Variants in AKT1 observed in about 807,000 individuals in gnomAD.
AKT1 encodes AKT serine/threonine kinase 1.
In AKT1, 21 loss-of-function variants were observed where a neutral mutation model predicts 63.1. The observed-to-expected ratio is 0.33, with a 90% confidence interval of 0.24 to 0.48. The LOEUF is 0.48. AKT1 is among the 20% of genes least tolerant of loss of function. The pLI, the probability that AKT1 is intolerant of heterozygous loss-of-function variation, is 0.99. For synonymous variants in AKT1, 257 were observed against 253.1 expected (o/e 1.02, Z -0.15); for missense variants, 382 against 666.0 (o/e 0.57, Z 4.69).
intron 3 of AKT1, among the ~76,000 whole-genome samples, chr14:104,783,901 T>C (rs1282740440): frequency 1.3e-5 from 2 of 152,182 alleles, no homozygotes; most frequent in Non-Finnish European, 2.9e-5. Flanking sequence ...TAGGTGCCCC[T>C]TCAGAAATGT....
chr14:104,770,012 C>G lies in AKT1; in HGVS notation c.*329G>C, dbSNP rs137981458. 2.2e-6 allele frequency: 1 copy of G among 463,164 alleles called. No individual in the cohort carries two copies. The highest frequency in any genetic ancestry group is 2.0e-5 in the African/African-American group (1 of 51,098). The allele number at this position is 463,164 out of a possible 1,614,324, so 28.7% of individuals were successfully genotyped here. A position where few individuals can be genotyped will look rare whatever the true frequency, so the allele number is the denominator to read the frequency against. Reference sequence around the variant, plus strand: ...AGAGTGAGGGGACACATGGGCAGGACCTGCCCGGCCCCCCAATGCCACATT... The same window carrying G: ...AGAGTGAGGGGACACATGGGCAGGAGCTGCCCGGCCCCCCAATGCCACATT... On this transcript the variant is annotated 3_prime_UTR_variant, in exon 15 of 15. Coordinates refer to ENST00000649815, the MANE Select transcript of AKT1 (RefSeq NM_001382430.1).
chr14:104,781,755 G>A (rs1893060458), intron 3 of AKT1, among the ~76,000 whole-genome samples: 1 of 152,200 alleles, frequency 6.6e-6, no homozygotes, highest in African/African-American at 2.4e-5. Flanking sequence ...CTGAGTGTGG[G>A]AAGAGGCTGT....
chr14:104,776,020 A>C (rs1892683869), intron 5 of AKT1: 7 of 505,806 alleles, frequency 1.4e-5, no homozygotes, highest in South Asian at 2.5e-5. Flanking sequence ...CCCCAGCAGG[A>C]CTCTGTCCCC....
At chr14:104,789,014 G>A (rs1893486194) in intron 3 of AKT1, among the ~76,000 whole-genome samples, 1 of 152,200 alleles carries the variant, frequency 6.6e-6, no homozygotes, top group Non-Finnish European at 1.5e-5. Context: ...AGCGTCTGCC[G>A]CGTAACCCAC....
rs552278695 is a variant in AKT1 at position 104,769,606 on chromosome 14, C to T, written c.*735G>A. On this transcript the variant is annotated 3_prime_UTR_variant, in exon 15 of 15. Coordinates refer to ENST00000649815, the MANE Select transcript of AKT1 (RefSeq NM_001382430.1). ...AGAGATCATCTGAGGGGGAGGCTCCCGGTGGGACAGTCACCAAGAACTGTG... is the reference window on the plus strand; with the variant it reads ...AGAGATCATCTGAGGGGGAGGCTCCTGGTGGGACAGTCACCAAGAACTGTG... 9.5e-6 allele frequency: 5 copies of T among 527,296 alleles called. No homozygotes were observed. Among genetic ancestry groups the T allele is most frequent in the East Asian group, 4.0e-5 (1 of 24,916 alleles). The allele number at this position is 527,296 out of a possible 1,614,324, so 32.7% of individuals were successfully genotyped here.
At chr14:104,783,805 G>A (rs2140972381) in intron 3 of AKT1, among the ~76,000 whole-genome samples, 1 of 152,306 alleles carries the variant, frequency 6.6e-6, no homozygotes, top group South Asian at 2.1e-4. Flanking sequence ...CCCACCCGCT[G>A]CACATGTTTC....
Position 104,780,992 on chromosome 14 carries a change from C to T in AKT1, c.47-776G>A, listed in dbSNP as rs536557125. On this transcript the variant is annotated intron_variant, in intron 3 of 14. Coordinates refer to ENST00000649815, the MANE Select transcript of AKT1 (RefSeq NM_001382430.1). ...CAGGCCCTGCCGCCGTCGGCCCTGC[C>T]GCGTCCCACCCGTGGGTCATTCAGG... is the stretch of plus-strand genomic sequence containing the variant. Among the ~76,000 whole-genome samples, 166 of 152,342 alleles carry T rather than the reference C, an allele frequency of 1.1e-3. 5 individuals carry two copies. In the South Asian group the frequency reaches 0.022, roughly 20 times the overall value.
Position 104,770,809 on chromosome 14 carries a change from A to G in AKT1, c.1299T>C (p.Thr433=). The change falls in exon 14 of 15, where the codon ACT becomes ACC. Residue 433 remains threonine (T), a synonymous_variant. Coordinates refer to ENST00000649815, the MANE Select transcript of AKT1 (RefSeq NM_001382430.1). The part of the protein sequence containing the change: ...PPFKPQVTSE[T]DTRYFDEEFT... ...ACTCCTCATCAAAATACCTGGTGTC[A>G]GTCTCCGACGTGACCTGGGGCTTGA... The G allele has an allele frequency of 6.2e-7, 1 of 1,614,154 alleles. No individual in the cohort carries two copies. The highest frequency in any genetic ancestry group is 8.5e-7 in the Non-Finnish European group (1 of 1,180,038).
rs372112260 is a variant in AKT1, at chr14:104,775,635, G to A, written c.435+17C>T. 7.9e-5 allele frequency: 127 copies of A among 1,612,930 alleles called. No individual in the cohort carries two copies. The highest frequency in any genetic ancestry group is 1.0e-4 in the Non-Finnish European group (120 of 1,179,442). On this transcript the variant is annotated intron_variant, in intron 6 of 14. Transcript: ENST00000649815. ...AAGGCAGCCCCAGGCACAGGCAGAA[G>A]TGGGGACAGGCCTCACCACGCGGTG...
chr14:104,770,951 C>T, intron 13 of AKT1, 104 bp from the exon 14 acceptor site: 1 of 1,012,626 alleles, frequency 9.9e-7, no homozygotes, highest in Non-Finnish European at 1.5e-6. Context: ...TCCAAGGGGT[C>T]TCCAGGCAGG....
chr14:104,783,810 T>C (rs887768185), intron 3 of AKT1, among the ~76,000 whole-genome samples: 2 of 152,126 alleles, frequency 1.3e-5, no homozygotes, highest in Non-Finnish European at 2.9e-5. Flanking sequence ...CCGCTGCACA[T>C]GTTTCAGACC....
intron 3 of AKT1, among the ~76,000 whole-genome samples, chr14:104,781,842 A>G (rs1303316639): frequency 3.3e-5 from 5 of 152,146 alleles, no homozygotes; most frequent in Non-Finnish European, 7.4e-5. Context: ...GAGGACGGCC[A>G]ACACCCAGTT....
chr14:104,777,680 C>T, intron 4 of AKT1: 2 of 986,548 alleles, frequency 2.0e-6, no homozygotes, highest in Non-Finnish European at 2.4e-6. Context: ...CCGTGGCAGG[C>T]TCTGGCCCAG....
intron 1 of AKT1, chr14:104,794,215 G>A (rs1566827643): frequency 6.6e-6 from 1 of 152,430 alleles, no homozygotes; most frequent in East Asian, 1.9e-4. Flanking sequence ...TCCGAGCCGC[G>A]CACGCCTCAG....
At chr14:104,776,562 G>T in intron 5 of AKT1, 97 bp downstream of exon 5, 1 of 1,043,668 alleles carries the variant, frequency 9.6e-7, no homozygotes, top group Non-Finnish European at 1.4e-6. Context: ...GAGTGAGGAT[G>T]GCTACAGGCA....
In AKT1 at chr14:104,793,291, C is replaced by T. The variant is rs190916256; in HGVS notation, c.-244G>A. ...TCCTGGGACAGGGCACAGGGCTCCT[C>T]CCTGCTCCCCAGACTAGGAAAGCAA... is the stretch of plus-strand genomic sequence containing the variant. On this transcript the variant is annotated 5_prime_UTR_variant, in exon 2 of 15. Transcript: ENST00000649815. The T allele has an allele frequency of 1.5e-3, 271 of 185,604 alleles. No individual in the cohort carries two copies. The highest frequency in any genetic ancestry group is 2.4e-3 in the Non-Finnish European group (214 of 87,518). The allele number at this position is 185,604 out of a possible 1,614,324, so 11.5% of individuals were successfully genotyped here. A position where few individuals can be genotyped will look rare whatever the true frequency, so the allele number is the denominator to read the frequency against.
At position 104,770,348 on chromosome 14, in the gene AKT1, G is replaced by A. The variant is rs201291259; in HGVS notation, c.1436C>T (p.Thr479Met). 39 of 1,611,358 alleles carry A rather than the reference G, an allele frequency of 2.4e-5. No individual in the cohort carries two copies. The highest frequency in any genetic ancestry group is 2.7e-5 in the Non-Finnish European group (32 of 1,179,644). ...GCGCAGTCCACCGCCGCCTCAGGCC[G>A]TGCCGCTGGCCGAGTAGGAGAACTG... ...FPQFSYSASG[T>M]A The change falls in exon 15 of 15, where the codon ACG becomes ATG. Residue 479 changes from threonine (T) to methionine (M), a missense_variant. Around this residue, in one of 3 missense-constraint regions of AKT1, gnomAD observed 90 missense variants for 120.5 expected, o/e 0.75. Transcript: ENST00000649815.
chr14:104,794,648 A>AC (rs1280633365), intron 1 of AKT1: 1 of 152,226 alleles, frequency 6.6e-6, no homozygotes, highest in African/African-American at 2.4e-5. Context: ...AGGCAACCGG[A>AC]CCCCCACCAA....
At chr14:104,775,571 G>A (rs1450308959) in intron 6 of AKT1, 81 bp downstream of exon 6, 13 of 1,543,358 alleles carry the variant, frequency 8.4e-6, no homozygotes, top group Non-Finnish European at 1.1e-5. Flanking sequence ...CTCCTGGGCC[G>A]AGCTGGGACC....
Sources: allele counts gnomAD v4.1 joint callset (sites outside exome capture counted in the v4.1 genomes callset), GRCh38; gene constraint gnomAD v4.1.1; regional missense constraint gnomAD v4.1.1; transcripts MANE v1.5; gene names NCBI Gene and HGNC (gene_info 2026-07-23, HGNC 2026-07-21).